Variants in ERBB4 observed in about 807,000 individuals in gnomAD.
ERBB4 encodes the protein receptor tyrosine-protein kinase erbB-4.
ERBB4 carries 42 observed loss-of-function variants against 158.0 expected under a neutral mutation model. The observed-to-expected ratio is 0.27, with a 90% confidence interval of 0.21 to 0.34. The LOEUF (loss-of-function observed/expected upper bound fraction) is 0.34. Among genes scored for constraint, ERBB4 ranks in the 10% least tolerant of loss-of-function variants. The pLI is 1.00. For synonymous variants in ERBB4, 583 were observed against 558.7 expected, an observed-to-expected ratio of 1.04 and a Z score of -0.61; for missense variants, 1,333 against 1,624.1, an observed-to-expected ratio of 0.82 and a Z score of 3.08.
intron 1 of ERBB4, among the ~76,000 whole-genome samples, chr2:212,152,822 C>T (rs1332341081): frequency 1.3e-5 from 2 of 152,180 alleles, no homozygotes; most frequent in African/African-American, 4.8e-5. Flanking sequence ...CCACCAATAG[C>T]ACTTAGCTAC....
At chr2:212,466,539 G>A (rs984723855) in intron 1 of ERBB4, among the ~76,000 whole-genome samples, 1 of 152,136 alleles carries the variant, frequency 6.6e-6, no homozygotes, top group African/African-American at 2.4e-5. Context: ...CTCTGCACTA[G>A]CTCTCTTAGC....
intron 19 of ERBB4, among the ~76,000 whole-genome samples, chr2:211,577,595 T>C (rs1192533819): frequency 6.6e-6 from 1 of 152,010 alleles, no homozygotes; most frequent in Non-Finnish European, 1.5e-5. Flanking sequence ...CAGAAGCAAA[T>C]TGAAAAGCTT....
chr2:212,481,358 T>G (rs1022568842), intron 1 of ERBB4, among the ~76,000 whole-genome samples: 8 of 152,174 alleles, frequency 5.3e-5, no homozygotes, highest in African/African-American at 1.7e-4. Context: ...TTATTTTATT[T>G]AAAAAATCAC....
At chr2:211,515,912 A>ATATATATATATATATATATATATATT (rs35696520) in intron 20 of ERBB4, among the ~76,000 whole-genome samples, 11 of 78,982 alleles carry the variant, frequency 1.4e-4, no homozygotes, top group South Asian at 3.4e-4. Flanking sequence ...ATATATATAT[A>ATATATATATATATATATATATATATT]TTTTTTTTTT....
At chr2:212,030,778 TCTC>T (rs2076885016) in intron 2 of ERBB4, among the ~76,000 whole-genome samples, 1 of 152,112 alleles carries the variant, frequency 6.6e-6, no homozygotes. Context: ...GAATGTTAAT[TCTC>T]CAGCATTTCT....
chr2:212,453,831 C>T (rs978424663), intron 1 of ERBB4, among the ~76,000 whole-genome samples: 1 of 152,134 alleles, frequency 6.6e-6, no homozygotes, highest in Non-Finnish European at 1.5e-5. Flanking sequence ...ACCTGTCAGA[C>T]ATCTTTGACA....
intron 6 of ERBB4, among the ~76,000 whole-genome samples, chr2:211,724,147 A>G (rs1038113626): frequency 5.3e-5 from 8 of 152,110 alleles, no homozygotes; most frequent in Middle Eastern, 3.2e-3. Context: ...AGACCTACTG[A>G]GTATCTTCTT....
At chr2:211,681,513 A>G (rs1295741394) in intron 12 of ERBB4, among the ~76,000 whole-genome samples, 1 of 152,220 alleles carries the variant, frequency 6.6e-6, no homozygotes, top group Non-Finnish European at 1.5e-5. Flanking sequence ...GTTTCCCTAC[A>G]TCTTCACCAA....
intron 20 of ERBB4, among the ~76,000 whole-genome samples, chr2:211,489,426 CA>C (rs1405941201): frequency 3.9e-5 from 6 of 151,920 alleles, no homozygotes; most frequent in African/African-American, 1.4e-4. Context: ...ATACCAATCT[CA>C]AAGTGTTGTC....
At chr2:212,188,233 T>TCTCTCTCTCTCTC (rs1559691540) in intron 1 of ERBB4, among the ~76,000 whole-genome samples, 1 of 16,576 alleles carries the variant, frequency 6.0e-5, no homozygotes, top group Non-Finnish European at 1.1e-4. Flanking sequence ...TCTCTCTCTC[T>TCTCTCTCTCTCTC]CCCCCCCCCT....
At chr2:212,504,776 T>G (rs1194277937) in intron 1 of ERBB4, among the ~76,000 whole-genome samples, 1 of 152,216 alleles carries the variant, frequency 6.6e-6, no homozygotes. Context: ...TTATCTGAGC[T>G]ATTTCTGAGT....
chr2:211,931,007 T>A (rs2080159738), intron 3 of ERBB4, among the ~76,000 whole-genome samples: 1 of 152,090 alleles, frequency 6.6e-6, no homozygotes, highest in South Asian at 2.1e-4. Context: ...ATTTGAATAA[T>A]TCCAGGGGAA....
intron 20 of ERBB4, among the ~76,000 whole-genome samples, chr2:211,445,105 C>T (rs1204856020): frequency 6.6e-6 from 1 of 151,988 alleles, no homozygotes; most frequent in Non-Finnish European, 1.5e-5. Flanking sequence ...TGGCTAAAAG[C>T]GCCAAAATTA....
intron 3 of ERBB4, among the ~76,000 whole-genome samples, chr2:211,875,251 G>GAGT (rs2078469155): frequency 6.6e-6 from 1 of 152,034 alleles, no homozygotes; most frequent in African/African-American, 2.4e-5. Flanking sequence ...CCAAACTACA[G>GAGT]AGGCCATTTA....
chr2:211,452,705 T>C (rs1239717839), intron 20 of ERBB4, among the ~76,000 whole-genome samples: 1 of 152,198 alleles, frequency 6.6e-6, no homozygotes, highest in African/African-American at 2.4e-5. Flanking sequence ...ATAATTTCTT[T>C]GAAAATCTTC....
intron 1 of ERBB4, among the ~76,000 whole-genome samples, chr2:212,348,565 ATC>A (rs1226985833): frequency 6.6e-6 from 1 of 152,326 alleles, no homozygotes; most frequent in African/African-American, 2.4e-5. Flanking sequence ...AGCAAGGAAC[ATC>A]TGTTATAGAA....
chr2:212,085,829 A>G (rs1039642088), intron 2 of ERBB4, among the ~76,000 whole-genome samples: 1 of 131,092 alleles, frequency 7.6e-6, no homozygotes, highest in Non-Finnish European at 1.7e-5. Context: ...TATCTAAGAT[A>G]TTATATAATC....
intron 20 of ERBB4, among the ~76,000 whole-genome samples, chr2:211,497,512 C>A (rs1004919289): frequency 1.3e-5 from 2 of 152,008 alleles, no homozygotes; most frequent in African/African-American, 2.4e-5. Flanking sequence ...GAAAATAAGA[C>A]GTGTGAGGAT....
intron 25 of ERBB4, among the ~76,000 whole-genome samples, chr2:211,407,887 C>A (rs1468050098): frequency 6.6e-6 from 1 of 152,138 alleles, no homozygotes; most frequent in African/African-American, 2.4e-5. Flanking sequence ...AGCTGATGAG[C>A]CGGCCCACCC....
Sources: allele counts gnomAD v4.1 joint callset (sites outside exome capture counted in the v4.1 genomes callset), GRCh38; gene constraint gnomAD v4.1.1; transcripts MANE v1.5; gene names NCBI Gene and HGNC (gene_info 2026-07-23, HGNC 2026-07-21).